The following DYNC2H1 variants were observed in gnomAD, a reference collection of about 807,000 sequenced individuals.
DYNC2H1 encodes the protein dynein cytoplasmic 2 heavy chain 1, also known as cytoplasmic dynein 2 heavy chain 1.
A neutral mutation model predicts 570.0 loss-of-function variants in DYNC2H1; 410 were observed. The ratio of observed to expected loss-of-function variants is 0.72; its 90% confidence interval spans 0.66 to 0.78. The LOEUF (loss-of-function observed/expected upper bound fraction) is 0.78, where lower values mean the gene tolerates loss of function less well. Among genes scored for constraint, DYNC2H1 ranks in the 30% least tolerant of loss-of-function variants. DYNC2H1 has a pLI of 0.00. For synonymous variants in DYNC2H1, 1,688 were observed against 1,677.6 expected, an observed-to-expected ratio of 1.01 and a Z score of -0.15; for missense variants, 4,865 against 5,046.4, an observed-to-expected ratio of 0.96 and a Z score of 1.09.
intron 35 of DYNC2H1, 135 bp downstream of exon 35, chr11:103,173,440 G>A: frequency 1.7e-6 from 1 of 599,610 alleles, no homozygotes; most frequent in Non-Finnish European, 2.5e-6. Flanking sequence ...TGTACTTATA[G>A]TGTAGCTATG....
chr11:103,230,974 G>T (rs533049241), intron 59 of DYNC2H1, among the ~76,000 whole-genome samples: 1 of 151,904 alleles, frequency 6.6e-6, no homozygotes, highest in Non-Finnish European at 1.5e-5. Flanking sequence ...ATTTTAGTAG[G>T]GTTCTAGAAG....
At chr11:103,110,767 C>T (rs992426110) in intron 1 of DYNC2H1, among the ~76,000 whole-genome samples, 1 of 151,750 alleles carries the variant, frequency 6.6e-6, no homozygotes, top group Non-Finnish European at 1.5e-5. Flanking sequence ...TTGGTGTTCA[C>T]CCTTATCCCT....
intron 70 of DYNC2H1, among the ~76,000 whole-genome samples, chr11:103,273,259 G>A (rs149034791): frequency 0.011 from 1,583 of 150,500 alleles, 29 homozygotes; most frequent in African/African-American, 0.037. Flanking sequence ...GTGCGATCTC[G>A]GCTCACTGCA....
At chr11:103,385,704 A>G (rs1235409562) in intron 83 of DYNC2H1, among the ~76,000 whole-genome samples, 4 of 152,194 alleles carry the variant, frequency 2.6e-5, no homozygotes, top group Non-Finnish European at 5.9e-5. Context: ...AATCATCTCT[A>G]GGTCATCTGG....
Position 103,179,331 on chromosome 11 carries a change from A to G in DYNC2H1, c.6347+98A>G, listed in dbSNP as rs999971223. The G allele has an allele frequency of 1.9e-5, 21 of 1,085,834 alleles. No individual in the cohort carries two copies. In the Middle Eastern group the frequency reaches 8.2e-4, roughly 42 times the overall value. 67.3% of individuals were successfully genotyped at this position (1,085,834 alleles called of 1,614,324 possible). A position where few individuals can be genotyped will look rare whatever the true frequency, so the allele number is the denominator to read the frequency against. On this transcript the variant is annotated intron_variant, in intron 39 of 88. Coordinates refer to ENST00000375735, the MANE Select transcript of DYNC2H1 (RefSeq NM_001377.3). ...TAAGTGTAGTGTGAATAATGAATACATATTTTTCCCATTTATGATTAACTT... is the reference window on the plus strand; with the variant it reads ...TAAGTGTAGTGTGAATAATGAATACGTATTTTTCCCATTTATGATTAACTT...
At chr11:103,235,953 A>G (rs1323925950) in intron 62 of DYNC2H1, 140 bp downstream of exon 62, 14 of 1,040,550 alleles carry the variant, frequency 1.3e-5, no homozygotes, top group Non-Finnish European at 1.7e-5. Flanking sequence ...ATGGGTTCCA[A>G]GGATACCCTA....
chr11:103,349,031 G>A (rs1939907188), intron 82 of DYNC2H1, among the ~76,000 whole-genome samples: 1 of 152,130 alleles, frequency 6.6e-6, no homozygotes, highest in Admixed American at 6.6e-5. Flanking sequence ...CTGTGAGTCA[G>A]TTAAATCTCT....
intron 43 of DYNC2H1, 136 bp from the exon 44 acceptor site, chr11:103,188,361 C>A (rs954397886): frequency 1.1e-4 from 66 of 575,618 alleles, no homozygotes; most frequent in Non-Finnish European, 1.6e-4. Flanking sequence ...TTTAAGATAC[C>A]ATTTAATCTA....
At chr11:103,374,446 A>G (rs932821962) in intron 83 of DYNC2H1, among the ~76,000 whole-genome samples, 4 of 152,188 alleles carry the variant, frequency 2.6e-5, no homozygotes, top group Non-Finnish European at 5.9e-5. Flanking sequence ...GGGCATTGCT[A>G]TAAGATACCC....
rs370888884 is a variant in DYNC2H1 at position 103,186,308 on chromosome 11, A to G, written c.6700A>G (p.Thr2234Ala). The change falls in exon 42 of 89, where the codon ACT (threonine) becomes GCT (alanine). Residue 2234 changes from threonine (T) to alanine (A), a missense_variant. Physicochemically the swap from Thr to Ala is moderately conservative, Grantham distance 58. Around this residue, in one of 5 missense-constraint regions of DYNC2H1, gnomAD observed 2,401 missense variants for 2,454.6 expected, o/e 0.98. Transcript: ENST00000375735. The surrounding 1 kb of genome is among the most constrained non-coding windows in gnomAD (Gnocchi z 4.5). The part of the protein sequence containing the change: ...HKPMDTYYDS[T>A]RGRLATYVLK... The stretch of plus-strand genomic sequence containing the variant: ...ACCTATGGATACCTACTATGACTCT[A>G]CTAGGGGTCGATTAGCAACATATGT... 1.2e-6 allele frequency: 2 copies of G among 1,612,604 alleles called. No individual in the cohort carries two copies. The highest frequency in any genetic ancestry group is 2.2e-5 in the South Asian group (2 of 91,044).
rs571676615 is a variant in DYNC2H1 at position 103,305,118 on chromosome 11, T to C, written c.11382+398T>C. Among the ~76,000 whole-genome samples, 12 of 152,144 alleles carry C rather than the reference T, an allele frequency of 7.9e-5. No homozygotes were observed. Among genetic ancestry groups the C allele is most frequent in the African/African-American group, 1.2e-4 (5 of 41,426 alleles). ...GCTAGAGAATAAACTGAAGCAAATG[T>C]TTCGTTTATCTCAAATGGACTCAGG... On this transcript the variant is annotated intron_variant, in intron 77 of 88. Transcript: ENST00000375735. The surrounding 1 kb of genome is among the most constrained non-coding windows in gnomAD (Gnocchi z 4.3).
chr11:103,197,670 C>T (rs1253722232), intron 47 of DYNC2H1, among the ~76,000 whole-genome samples: 2 of 152,058 alleles, frequency 1.3e-5, no homozygotes, highest in Non-Finnish European at 2.9e-5. Context: ...CTGGCCTTGA[C>T]CTCCTGAGCT....
In DYNC2H1 at chr11:103,321,191, G is replaced by A. The variant is rs759594435; in HGVS notation, c.11888G>A (p.Ser3963Asn). ...IDVFNQRNKKSIFPYSVSLPQ... is the reference protein window; with the variant it reads ...IDVFNQRNKKNIFPYSVSLPQ... ...GTATTCAACCAAAGGAACAAGAAAA[G>A]CATTTTTCCATATTCCGTATCTCTA... Residue 3963 changes from serine to asparagine, a missense_variant, in exon 81 of 89, where the codon AGC (serine) becomes AAC (asparagine). Around this residue, in one of 5 missense-constraint regions of DYNC2H1, gnomAD observed 2,401 missense variants for 2,454.6 expected, o/e 0.98. Transcript: ENST00000375735. 1.9e-6 allele frequency: 3 copies of A among 1,611,396 alleles called. No individual in the cohort carries two copies. The highest frequency in any genetic ancestry group is 3.3e-5 in the Admixed American group (2 of 59,718).
intron 82 of DYNC2H1, among the ~76,000 whole-genome samples, chr11:103,341,807 A>T (rs1369825600): frequency 6.6e-6 from 1 of 152,198 alleles, no homozygotes; most frequent in Non-Finnish European, 1.5e-5. Context: ...TTGATTCCAA[A>T]CTTAGATACT....
Position 103,222,135 on chromosome 11 carries a change from A to G in DYNC2H1, c.9213A>G (p.Lys3071=), listed in dbSNP as rs1025021444. ...TTGAAGAACTTCTTTTTAAAAATAAAGGCTCTTTTGATCCAAAGGTAATTT... is the reference window on the plus strand; with the variant it reads ...TTGAAGAACTTCTTTTTAAAAATAAGGGCTCTTTTGATCCAAAGGTAATTT... ...ESVEELLFKN[K]GSFDPKNAKR... is the part of the protein sequence containing the mutation. The change falls in exon 58 of 89, where the codon AAA becomes AAG. Residue 3071 remains lysine (K), a synonymous_variant. Transcript: ENST00000375735. 1 of 1,572,294 alleles carries G rather than the reference A, an allele frequency of 6.4e-7. No individual in the cohort carries two copies. The highest frequency in any genetic ancestry group is 1.8e-5 in the Admixed American group (1 of 54,840).
intron 88 of DYNC2H1, among the ~76,000 whole-genome samples, chr11:103,475,810 CA>C (rs1945530327): frequency 6.6e-6 from 1 of 152,044 alleles, no homozygotes; most frequent in South Asian, 2.1e-4. Context: ...TGATAATAAT[CA>C]GCATTATTAA....
At chr11:103,383,122 G>A (rs1941723908) in intron 83 of DYNC2H1, among the ~76,000 whole-genome samples, 1 of 152,146 alleles carries the variant, frequency 6.6e-6, no homozygotes, top group African/African-American at 2.4e-5. Context: ...GGATTCTTTG[G>A]CTGAGGCTGA....
At position 103,461,596 on chromosome 11, in the gene DYNC2H1, TCAGTAGCCATATGCGGTATAGTATATA is replaced by T. The variant is rs1945013096; in HGVS notation, c.12648+5246_12648+5272del. On this transcript the variant is annotated intron_variant, in intron 87 of 88. Coordinates refer to ENST00000375735, the MANE Select transcript of DYNC2H1 (RefSeq NM_001377.3). This position sits in a 1 kb window ranked among gnomAD's most constrained non-coding sequence, Gnocchi z 4.8. ...ATTGCCCTAGCAACACTTCGAGTGCTCAGTAGCCATATGCGGTATAGTATATACAGTAACCACATATGGCTGCTGAGC... is the reference window on the plus strand; with the variant it reads ...ATTGCCCTAGCAACACTTCGAGTGCTCAGTAACCACATATGGCTGCTGAGC... Among the ~76,000 whole-genome samples, 1 of 152,192 alleles carries T rather than the reference TCAGTAGCCATATGCGGTATAGTATATA, an allele frequency of 6.6e-6. No individual in the cohort carries two copies. The highest frequency in any genetic ancestry group is 1.5e-5 in the Non-Finnish European group (1 of 68,040).
intron 70 of DYNC2H1, among the ~76,000 whole-genome samples, chr11:103,278,756 A>G (rs1480210769): frequency 1.3e-5 from 2 of 152,090 alleles, no homozygotes; most frequent in Admixed American, 6.6e-5. Context: ...TAGTAGAGAC[A>G]GATTTTCACC....
Sources: allele counts gnomAD v4.1 joint callset (sites outside exome capture counted in the v4.1 genomes callset), GRCh38; gene constraint gnomAD v4.1.1; regional missense constraint gnomAD v4.1.1; non-coding constraint Gnocchi (gnomAD v3.1); transcripts MANE v1.5; gene names NCBI Gene and HGNC (gene_info 2026-07-23, HGNC 2026-07-21).